PLEKHH2: variants seen among roughly 807,000 people sequenced by gnomAD.
PLEKHH2 encodes the protein pleckstrin homology, MyTH4 and FERM domain containing H2, also known as pleckstrin homology domain-containing family H member 2.
Under a neutral mutation model 187.9 loss-of-function variants are expected in PLEKHH2, and 129 were observed. The ratio of observed to expected loss-of-function variants is 0.69; its 90% CI spans 0.59 to 0.79. The LOEUF (loss-of-function observed/expected upper bound fraction) is 0.79. Among genes scored for constraint, PLEKHH2 ranks in the 30% least tolerant of loss-of-function variants. PLEKHH2 has a pLI of 0.00. For synonymous variants in PLEKHH2, 686 were observed against 605.6 expected (o/e 1.13, Z -1.95); for missense variants, 2,076 against 1,751.2 (o/e 1.19, Z -3.31).
chr2:43,646,760 G>C (rs1666202807), intron 2 of PLEKHH2, among the ~76,000 whole-genome samples: 1 of 150,670 alleles, frequency 6.6e-6, no homozygotes, highest in African/African-American at 2.4e-5. Flanking sequence ...ACATTGATAG[G>C]AATGTTATTT....
In PLEKHH2 at chr2:43,695,244, A is replaced by C; in HGVS notation, c.502+20A>C. 7.0e-7 allele frequency: 1 copy of C among 1,419,890 alleles called. No homozygotes were observed. The highest frequency in any genetic ancestry group is 9.7e-7 in the Non-Finnish European group (1 of 1,028,518). The allele number at this position is 1,419,890 out of a possible 1,614,324, so 88.0% of individuals were successfully genotyped here. On this transcript the variant is annotated intron_variant, in intron 6 of 29. Transcript: ENST00000282406. The stretch of plus-strand genomic sequence containing the variant: ...TACAAGGTACAAATACTTTACTAAG[A>C]TAGCTTAGTTGGATTTATTTGACTA...
rs1668854900 is a variant in PLEKHH2 at position 43,692,572 on chromosome 2, C to T, written c.245C>T (p.Thr82Ile). 1 of 1,600,172 alleles carries T rather than the reference C, an allele frequency of 6.2e-7. No individual in the cohort carries two copies. Among genetic ancestry groups the T allele is most frequent in the Admixed American group, 1.7e-5 (1 of 59,582 alleles). The change falls in exon 4 of 30, where the codon ACA becomes ATA. Residue 82 changes from threonine (T) to isoleucine (I), a missense_variant. By Grantham distance (89) the Thr-to-Ile change is moderately conservative. Transcript: ENST00000282406. Reference protein sequence around the residue: ...AANIQTSESETRLYNKCQDLE... With the variant: ...AANIQTSESEIRLYNKCQDLE... ...AATATTCAAACCAGTGAATCAGAGA[C>T]AAGATTATATAATAAGTGTCAAGAT...
intron 21 of PLEKHH2, chr2:43,741,255 G>C (rs13400256): frequency 0.041 from 14,917 of 364,332 alleles, 868 homozygotes; most frequent in African/African-American, 0.18. Flanking sequence ...ATAAATACTT[G>C]AAAAACTGAC....
In PLEKHH2 at chr2:43,767,799, G is replaced by A. The variant is rs147740471; in HGVS notation, c.*2201G>A. 1.3e-4 allele frequency: 20 copies of A among 152,834 alleles called. No individual in the cohort carries two copies. Among genetic ancestry groups the A allele is most frequent in the African/African-American group, 3.9e-4 (16 of 41,544 alleles). The allele number at this position is 152,834 out of a possible 1,614,324, so 9.5% of individuals were successfully genotyped here. A position where few individuals can be genotyped will look rare whatever the true frequency, so the allele number is the denominator to read the frequency against. ...AGAGCAGAGATAAAATATTTTGATG[G>A]AAGGAAATCAATTTTCTGTAACTGA... On this transcript the variant is annotated 3_prime_UTR_variant, in exon 30 of 30. Coordinates refer to ENST00000282406, the MANE Select transcript of PLEKHH2 (RefSeq NM_172069.4).
In PLEKHH2 at chr2:43,714,148, A is replaced by C. The variant is rs745769616; in HGVS notation, c.2460+1765A>C. ...TTTCAAGGACCTCATATGCATATCA[A>C]ACCCTGAGAGTTTAAGATGATCCCA... is the stretch of plus-strand genomic sequence containing the variant. On this transcript the variant is annotated intron_variant, in intron 15 of 29. Transcript: ENST00000282406. 3.3e-5 allele frequency among the ~76,000 whole-genome samples: 5 copies of C among 152,210 alleles called. No individual in the cohort carries two copies. The East Asian group carries it at 7.7e-4, about 23-fold the overall frequency.
chr2:43,644,550 C>T lies in PLEKHH2; in HGVS notation c.-3-121C>T, dbSNP rs190827037. The T allele has an allele frequency of 2.0e-3, 1,496 of 758,002 alleles. 16 individuals are homozygous for T. In the African/African-American group the frequency reaches 0.023, roughly 12 times the overall value. The allele number at this position is 758,002 out of a possible 1,614,324, so 47.0% of individuals were successfully genotyped here. A position where few individuals can be genotyped will look rare whatever the true frequency, so the allele number is the denominator to read the frequency against. On this transcript the variant is annotated intron_variant, in intron 1 of 29. Coordinates refer to ENST00000282406, the MANE Select transcript of PLEKHH2 (RefSeq NM_172069.4). ...ATTTAAAATTTGTACATGGATCTCA[C>T]TAGACAGTGATTATAATGTGTACAT...
chr2:43,693,723 C>CAAAA lies in PLEKHH2; in HGVS notation c.337-694_337-691dup, dbSNP rs70965316. On this transcript the variant is annotated intron_variant, in intron 4 of 29. Coordinates refer to ENST00000282406, the MANE Select transcript of PLEKHH2 (RefSeq NM_172069.4). ...TGGGCGACTGAGCGAGACTCCATCT[C>CAAAA]AAAAAAAAAAAAAAAAAGGAAAAAA... Among the ~76,000 whole-genome samples, 33 of 69,678 alleles carry CAAAA rather than the reference C, an allele frequency of 4.7e-4. 2 individuals are homozygous for CAAAA. Among genetic ancestry groups the CAAAA allele is most frequent in the South Asian group, 1.7e-3 (3 of 1,748 alleles). The allele number at this position is 69,678 out of a possible 152,430, so 45.7% of individuals were successfully genotyped here.
At chr2:43,644,261 G>C (rs1386473710) in intron 1 of PLEKHH2, among the ~76,000 whole-genome samples, 1 of 152,106 alleles carries the variant, frequency 6.6e-6, no homozygotes, top group African/African-American at 2.4e-5. Context: ...CTTATCTGTT[G>C]GGCACAGCTA....
chr2:43,647,999 C>T (rs891544867), intron 2 of PLEKHH2, among the ~76,000 whole-genome samples: 2 of 152,158 alleles, frequency 1.3e-5, no homozygotes, highest in Non-Finnish European at 2.9e-5. Context: ...TTGTTATTAT[C>T]CTCAATCTAG....
chr2:43,725,693 T>A (rs1670704804), intron 16 of PLEKHH2, among the ~76,000 whole-genome samples: 1 of 152,250 alleles, frequency 6.6e-6, no homozygotes, highest in South Asian at 2.1e-4. Context: ...CATCTTGTTT[T>A]TTCCTCAGAA....
chr2:43,659,576 T>A (rs1261802723), intron 2 of PLEKHH2, among the ~76,000 whole-genome samples: 2 of 151,918 alleles, frequency 1.3e-5, no homozygotes, highest in African/African-American at 4.8e-5. Flanking sequence ...AGGCACTTTT[T>A]TTTTTTTTTT....
At position 43,732,932 on chromosome 2, in the gene PLEKHH2, C is replaced by T. The variant is rs559874887; in HGVS notation, c.2943+1330C>T. Among the ~76,000 whole-genome samples the T allele has an allele frequency of 5.9e-5, 9 of 152,186 alleles. No homozygotes were observed. In the South Asian group the frequency reaches 1.9e-3, roughly 32 times the overall value. ...AAAAATTCAGGGTCTTCCTCTCTCA[C>T]AGCCAACTTTCTGCCTTGTGCTTGT... On this transcript the variant is annotated intron_variant, in intron 19 of 29. Transcript: ENST00000282406.
In PLEKHH2 at chr2:43,765,874, G is replaced by C; in HGVS notation, c.*276G>C. 3.0e-6 allele frequency: 1 copy of C among 329,114 alleles called. No homozygotes were observed. Among genetic ancestry groups the C allele is most frequent in the Middle Eastern group, 8.1e-4 (1 of 1,228 alleles). 20.4% of individuals were successfully genotyped at this position (329,114 alleles called of 1,614,324 possible). ...CCATCTCCCTTCTCCCTTGTCATCAGACACATTGTGCAATGTGGCTTTTCT... is the reference window on the plus strand; with the variant it reads ...CCATCTCCCTTCTCCCTTGTCATCACACACATTGTGCAATGTGGCTTTTCT... On this transcript the variant is annotated 3_prime_UTR_variant, in exon 30 of 30. Coordinates refer to ENST00000282406, the MANE Select transcript of PLEKHH2 (RefSeq NM_172069.4).
At chr2:43,736,539 G>C (rs1052192880) in intron 19 of PLEKHH2, among the ~76,000 whole-genome samples, 3 of 152,148 alleles carry the variant, frequency 2.0e-5, no homozygotes, top group African/African-American at 7.2e-5. Context: ...AAGGTAGTTA[G>C]ACTTCACAGG....
In PLEKHH2 at chr2:43,767,043, C is replaced by G. The variant is rs570449467; in HGVS notation, c.*1445C>G. ...CAGTATGTGTCACAACAGTGTAGTT[C>G]ATATTCATGATAAAAATGAAACTGT... On this transcript the variant is annotated 3_prime_UTR_variant, in exon 30 of 30. Coordinates refer to ENST00000282406, the MANE Select transcript of PLEKHH2 (RefSeq NM_172069.4). The G allele has an allele frequency of 1.3e-5, 2 of 152,666 alleles. No homozygotes were observed. The highest frequency in any genetic ancestry group is 1.3e-4 in the Admixed American group (2 of 15,290). 9.5% of individuals were successfully genotyped at this position (152,666 alleles called of 1,614,324 possible).
At chr2:43,679,543 T>A (rs1012498708) in intron 3 of PLEKHH2, 2 of 323,466 alleles carry the variant, frequency 6.2e-6, no homozygotes, top group African/African-American at 2.4e-5. Context: ...TGGCCCAGGC[T>A]GGAGTGCAGT....
chr2:43,696,581 C>T (rs1354298234), intron 6 of PLEKHH2, among the ~76,000 whole-genome samples: 2 of 151,768 alleles, frequency 1.3e-5, no homozygotes, highest in Non-Finnish European at 2.9e-5. Flanking sequence ...TTACTCACCT[C>T]CTCTTTTTTT....
At chr2:43,640,825 C>T (rs1001067354) in intron 1 of PLEKHH2, among the ~76,000 whole-genome samples, 1 of 151,880 alleles carries the variant, frequency 6.6e-6, no homozygotes. Context: ...CCCTCTGTCG[C>T]CCAGGCTGGA....
Position 43,700,066 on chromosome 2 carries a change from G to A in PLEKHH2, c.1108G>A (p.Gly370Arg), listed in dbSNP as rs1669281632. 6.2e-7 allele frequency: 1 copy of A among 1,613,950 alleles called. No individual in the cohort carries two copies. The highest frequency in any genetic ancestry group is 8.5e-7 in the Non-Finnish European group (1 of 1,180,020). The part of the protein sequence containing the change: ...WKALNSPLGK[G>R]NSELSKKEQD... The stretch of plus-strand genomic sequence containing the variant: ...AGCTCTAAATAGTCCTCTTGGAAAG[G>A]GAAATTCTGAATTAAGTAAAAAGGA... The change falls in exon 8 of 30, where the codon GGA becomes AGA. Residue 370 changes from glycine to arginine, a missense_variant. Gly to Arg is a moderately radical substitution (Grantham distance 125). Coordinates refer to ENST00000282406, the MANE Select transcript of PLEKHH2 (RefSeq NM_172069.4).
Sources: gnomAD v4.1 joint callset for allele counts (sites outside exome capture counted in the v4.1 genomes callset) on GRCh38, gnomAD v4.1.1 for gene constraint, MANE v1.5 for transcripts, NCBI Gene and HGNC (gene_info 2026-07-23, HGNC 2026-07-21) for gene names.